The following AACS variants were observed in gnomAD, a reference collection of about 807,000 sequenced individuals.
AACS encodes the protein acetoacetate-CoA ligase.
In AACS, 69 loss-of-function variants were observed where a neutral mutation model predicts 83.1. That is an observed-to-expected ratio of 0.83 (90% CI 0.68 to 1.01). AACS has a LOEUF of 1.01. AACS is among the 50% of genes least tolerant of loss of function. The pLI, the probability that AACS is intolerant of heterozygous loss-of-function variation, is 0.00. For missense variants in AACS, 866 were observed against 882.2 expected (o/e 0.98, Z 0.23); for synonymous variants, 333 against 343.4 (o/e 0.97, Z 0.33).
chr12:125,111,757 T>C (rs1323290678), intron 8 of AACS, among the ~76,000 whole-genome samples: 1 of 152,190 alleles, frequency 6.6e-6, no homozygotes, highest in Non-Finnish European at 1.5e-5. Flanking sequence ...TTACATGAAA[T>C]TACTCTCCTG....
At chr12:125,098,763 T>G (rs1956664571) in intron 5 of AACS, among the ~76,000 whole-genome samples, 1 of 152,256 alleles carries the variant, frequency 6.6e-6, no homozygotes, top group African/African-American at 2.4e-5. Flanking sequence ...CATTACCTTT[T>G]CAAACTGTAT....
intron 10 of AACS, chr12:125,124,061 C>G (rs1957202240): frequency 1.3e-5 from 2 of 152,186 alleles, no homozygotes; most frequent in African/African-American, 4.8e-5. Flanking sequence ...AAGAATTCTC[C>G]CAGCACTTTG....
At chr12:125,120,126 G>A (rs769822419) in intron 10 of AACS, 2 of 152,174 alleles carry the variant, frequency 1.3e-5, no homozygotes, top group Non-Finnish European at 2.9e-5. Context: ...ATGGGGATAG[G>A]TGTAGTGGTC....
intron 5 of AACS, among the ~76,000 whole-genome samples, chr12:125,091,872 G>A: frequency 6.6e-6 from 1 of 152,238 alleles, no homozygotes; most frequent in East Asian, 1.9e-4. Context: ...TCTGAAGAGA[G>A]TTCTCTAGAT....
chr12:125,134,483 C>T (rs1957372176), intron 15 of AACS, among the ~76,000 whole-genome samples: 1 of 152,132 alleles, frequency 6.6e-6, no homozygotes, highest in African/African-American at 2.4e-5. Flanking sequence ...TGATGGGGTT[C>T]TCGGGTAGGG....
In AACS at chr12:125,077,990, G is replaced by A. The variant is rs555879981; in HGVS notation, c.358+1379G>A. The stretch of plus-strand genomic sequence containing the variant: ...CTCCTAAAGTGCTGGGATTACAGGC[G>A]TGAGCCACCATGCCCGGCCCCAGTT... On this transcript the variant is annotated intron_variant, in intron 3 of 17. Coordinates refer to ENST00000316519, the MANE Select transcript of AACS (RefSeq NM_023928.5). The A allele has an allele frequency of 3.9e-4, 149 of 384,338 alleles. 1 individual carries two copies. The highest frequency in any genetic ancestry group is 3.4e-3 in the Middle Eastern group (9 of 2,646). 23.8% of individuals were successfully genotyped at this position (384,338 alleles called of 1,614,324 possible).
chr12:125,141,980 A>G, intron 17 of AACS, 112 bp from the exon 18 acceptor site: 1 of 1,380,944 alleles, frequency 7.2e-7, no homozygotes, highest in East Asian at 2.3e-5. Context: ...AGACCCATTC[A>G]CTCTTGGCAC....
intron 9 of AACS, chr12:125,118,238 G>A (rs888155595): frequency 1.4e-5 from 3 of 216,158 alleles, no homozygotes; most frequent in South Asian, 6.5e-5. Flanking sequence ...ACCTCATTCT[G>A]TTTCATGACT....
intron 10 of AACS, chr12:125,121,887 C>T (rs1957158397): frequency 6.6e-6 from 1 of 152,400 alleles, no homozygotes; most frequent in Non-Finnish European, 1.5e-5. Flanking sequence ...CCTGGGGGGT[C>T]CTGGGGGCCA....
chr12:125,128,333 C>A, intron 13 of AACS, 59 bp downstream of exon 13: 1 of 1,455,434 alleles, frequency 6.9e-7, no homozygotes, highest in Non-Finnish European at 9.4e-7. Context: ...AGTGTGGGAG[C>A]GTTCGGATGT....
In AACS at chr12:125,080,470, G is replaced by GTCTCTC. The variant is rs112615927; in HGVS notation, c.358+3873_358+3878dup. On this transcript the variant is annotated intron_variant, in intron 3 of 17. Coordinates refer to ENST00000316519, the MANE Select transcript of AACS (RefSeq NM_023928.5). ...GGGTGGAGACTGAACTGGGTGGGGT[G>GTCTCTC]TCTCTCTCTCTCTCTCTCTGTTACA... is the stretch of plus-strand genomic sequence containing the variant. Among the ~76,000 whole-genome samples, 294 of 149,362 alleles carry GTCTCTC rather than the reference G, an allele frequency of 2.0e-3. 2 individuals carry two copies. Among genetic ancestry groups the GTCTCTC allele is most frequent in the African/African-American group, 6.9e-3 (280 of 40,834 alleles).
intron 3 of AACS, among the ~76,000 whole-genome samples, chr12:125,077,849 C>G (rs532498004): frequency 6.6e-6 from 1 of 152,164 alleles, no homozygotes; most frequent in African/African-American, 2.4e-5. Context: ...GCTGGGATTA[C>G]AGGCGAGCAC....
At position 125,142,101 on chromosome 12, in the gene AACS, A is replaced by G; in HGVS notation, c.1891A>G (p.Asn631Asp). Residue 631 changes from asparagine (N) to aspartate (D), a missense_variant, in exon 18 of 18, where the codon AAC (asparagine) becomes GAC (aspartate). Coordinates refer to ENST00000316519, the MANE Select transcript of AACS (RefSeq NM_023928.5). ...LETKGIPYTL[N>D]GKKVEVAVKQ... ...TACCTTTCCCTCGCAGTATACGCTC[A>G]ACGGCAAGAAAGTGGAAGTTGCCGT... 1.2e-6 allele frequency: 2 copies of G among 1,614,152 alleles called. No individual in the cohort carries two copies. Among genetic ancestry groups the G allele is most frequent in the South Asian group, 2.2e-5 (2 of 91,078 alleles).
intron 5 of AACS, among the ~76,000 whole-genome samples, chr12:125,098,943 G>A (rs1472668778): frequency 6.6e-6 from 1 of 152,224 alleles, no homozygotes; most frequent in Non-Finnish European, 1.5e-5. Context: ...CCGGGACGTA[G>A]GTGGGGGTGT....
chr12:125,134,720 C>T (rs1957376431), intron 15 of AACS, 74 bp from the exon 16 acceptor site: 24 of 1,536,896 alleles, frequency 1.6e-5, no homozygotes, highest in Middle Eastern at 1.7e-4. Context: ...GGGGTGACTG[C>T]CCTCCCGTGG....
At position 125,086,423 on chromosome 12, in the gene AACS, A is replaced by G; in HGVS notation, c.452A>G (p.Lys151Arg). 6.2e-7 allele frequency: 1 copy of G among 1,614,204 alleles called. No individual in the cohort carries two copies. Among genetic ancestry groups the G allele is most frequent in the East Asian group, 2.2e-5 (1 of 44,882 alleles). The change falls in exon 4 of 18, where the codon AAG (lysine) becomes AGG (arginine). Residue 151 changes from lysine (K) to arginine (R), a missense_variant. Coordinates refer to ENST00000316519, the MANE Select transcript of AACS (RefSeq NM_023928.5). ...GCAGCAATGAGGAAAATGGGTGTGA[A>G]GAAAGGAGATCGGGTTGTTGGTAAG... is the stretch of plus-strand genomic sequence containing the variant. ...FAAAMRKMGVKKGDRVVGYLP... is the reference protein window; with the variant it reads ...FAAAMRKMGVRKGDRVVGYLP...
At position 125,124,603 on chromosome 12, in the gene AACS, T is replaced by C. The variant is rs1957214419; in HGVS notation, c.1122-102T>C. 6 of 1,432,766 alleles carry C rather than the reference T, an allele frequency of 4.2e-6. No individual in the cohort carries two copies. In the South Asian group the frequency reaches 7.4e-5, roughly 18 times the overall value. The allele number at this position is 1,432,766 out of a possible 1,614,324, so 88.8% of individuals were successfully genotyped here. On this transcript the variant is annotated intron_variant, in intron 10 of 17. Transcript: ENST00000316519. ...TTCAACCCAGAAAACTGCTCTCTCTTGGGTTTTGCAAACTTGTCAGAAATA... is the reference window on the plus strand; with the variant it reads ...TTCAACCCAGAAAACTGCTCTCTCTCGGGTTTTGCAAACTTGTCAGAAATA...
chr12:125,100,943 G>A (rs925682194), intron 5 of AACS: 7 of 152,238 alleles, frequency 4.6e-5, no homozygotes, highest in African/African-American at 1.7e-4. Context: ...TCCCACTGCA[G>A]GCGGTGCTAC....
intron 5 of AACS, chr12:125,092,856 C>T (rs972181982): frequency 3.3e-5 from 5 of 152,502 alleles, no homozygotes; most frequent in African/African-American, 1.2e-4. Context: ...CACTCAGACC[C>T]CTCAGCCGAC....
Sources: gnomAD v4.1 joint callset for allele counts (sites outside exome capture counted in the v4.1 genomes callset) on GRCh38, gnomAD v4.1.1 for gene constraint, MANE v1.5 for transcripts, NCBI Gene and HGNC (gene_info 2026-07-23, HGNC 2026-07-21) for gene names.